The following SMIM31 variants were observed in gnomAD, a reference collection of about 807,000 sequenced individuals.
The protein encoded by SMIM31 is human epithelial cell program regulator.
At chr4:164,790,471 ATTT>A (rs1236266683) in intron 2 of SMIM31, among the ~76,000 whole-genome samples, 3 of 152,160 alleles carry the variant, frequency 2.0e-5, no homozygotes, top group Non-Finnish European at 2.9e-5. Flanking sequence ...TATAAATTCC[ATTT>A]TTTATTAGTC....
At chr4:164,767,901 T>G (rs946088851) in intron 1 of SMIM31, among the ~76,000 whole-genome samples, 1 of 152,116 alleles carries the variant, frequency 6.6e-6, no homozygotes, top group Admixed American at 6.5e-5. Context: ...TTTGCGTTTA[T>G]TTGTCTAGAA....
chr4:164,798,798 G>T (rs1008292347), intron 2 of SMIM31, among the ~76,000 whole-genome samples: 2 of 152,102 alleles, frequency 1.3e-5, no homozygotes, highest in Admixed American at 6.5e-5. Context: ...GGTGGGGCCC[G>T]GTTGGGGGTG....
intron 2 of SMIM31, among the ~76,000 whole-genome samples, chr4:164,774,000 A>G (rs1452940120): frequency 6.6e-6 from 1 of 152,014 alleles, no homozygotes; most frequent in East Asian, 1.9e-4. Context: ...CCCCGTCTCT[A>G]CTAAAAACAC....
At chr4:164,770,659 T>G (rs1459719491) in intron 2 of SMIM31, 104 bp downstream of exon 2, 1 of 396,646 alleles carries the variant, frequency 2.5e-6, no homozygotes, top group African/African-American at 2.1e-5. Flanking sequence ...CTATCCTGTG[T>G]GTGAGGATAA....
chr4:164,755,643 G>A (rs62352404), intron 1 of SMIM31, among the ~76,000 whole-genome samples: 16,464 of 142,178 alleles, frequency 0.12, 1,043 homozygotes, highest in African/African-American at 0.16. Context: ...CTGAGCTGAA[G>A]TATTATGGGA....
chr4:164,760,755 A>G lies in SMIM31; in HGVS notation c.-26+6344A>G, dbSNP rs1410611886. Among the ~76,000 whole-genome samples, 3 of 151,614 alleles carry G rather than the reference A, an allele frequency of 2.0e-5. No individual in the cohort carries two copies. In the South Asian group the frequency reaches 6.2e-4, roughly 31 times the overall value. On this transcript the variant is annotated intron_variant, in intron 1 of 2. Transcript: ENST00000507311. ...ACTCCACCTAAAAAAAAAAAAAAAAAAAAAAAGATAAAGCCAATAGGATTT... is the reference window on the plus strand; with the variant it reads ...ACTCCACCTAAAAAAAAAAAAAAAAGAAAAAAGATAAAGCCAATAGGATTT...
At chr4:164,767,653 AT>A (rs1732737012) in intron 1 of SMIM31, among the ~76,000 whole-genome samples, 2 of 152,226 alleles carry the variant, frequency 1.3e-5, no homozygotes, top group Admixed American at 1.3e-4. Flanking sequence ...CATCAGAAGC[AT>A]CATCTTTGCA....
chr4:164,763,201 C>T (rs1732675266), intron 1 of SMIM31, among the ~76,000 whole-genome samples: 1 of 152,130 alleles, frequency 6.6e-6, no homozygotes, highest in Non-Finnish European at 1.5e-5. Context: ...CTCAATAATT[C>T]AATTCATTAA....
At chr4:164,793,562 A>G (rs764017253) in intron 2 of SMIM31, among the ~76,000 whole-genome samples, 5 of 152,158 alleles carry the variant, frequency 3.3e-5, no homozygotes, top group Non-Finnish European at 7.4e-5. Flanking sequence ...TTATTCTGAG[A>G]CTGCTTCTCT....
chr4:164,780,236 G>A (rs946459656), intron 2 of SMIM31, among the ~76,000 whole-genome samples: 3 of 152,174 alleles, frequency 2.0e-5, no homozygotes, highest in Non-Finnish European at 4.4e-5. Flanking sequence ...GACCAGCCTG[G>A]CCAACATGGT....
intron 1 of SMIM31, among the ~76,000 whole-genome samples, chr4:164,766,712 C>T (rs1420096617): frequency 1.3e-5 from 2 of 151,548 alleles, no homozygotes; most frequent in South Asian, 2.1e-4. Context: ...GCAGGAGAAT[C>T]GCTTGAACCC....
chr4:164,762,568 T>A (rs1579060687), intron 1 of SMIM31, among the ~76,000 whole-genome samples: 1 of 142,072 alleles, frequency 7.0e-6, no homozygotes, highest in Non-Finnish European at 1.5e-5. Flanking sequence ...AATACTAAAA[T>A]ATATATATAT....
At chr4:164,779,539 ATT>A (rs11352211) in intron 2 of SMIM31, among the ~76,000 whole-genome samples, 2 of 151,886 alleles carry the variant, frequency 1.3e-5, no homozygotes, top group Non-Finnish European at 2.9e-5. Flanking sequence ...AAAGTCAGCA[ATT>A]TTTTTTTGCA....
chr4:164,754,551 A>ATTTTTTTTTTTT (rs57916805), intron 1 of SMIM31, 140 bp downstream of exon 1: 4 of 55,620 alleles, frequency 7.2e-5, no homozygotes, highest in Non-Finnish European at 9.1e-5. Context: ...TCCTGGAGGT[A>ATTTTTTTTTTTT]TTTTTTTTTT....
chr4:164,765,503 T>A (rs116597881), intron 1 of SMIM31, among the ~76,000 whole-genome samples: 1,964 of 151,804 alleles, frequency 0.013, 38 homozygotes, highest in African/African-American at 0.045. Context: ...AGAACCACCC[T>A]CCTACAGATA....
At chr4:164,772,110 G>T (rs1434428811) in intron 2 of SMIM31, among the ~76,000 whole-genome samples, 1 of 152,180 alleles carries the variant, frequency 6.6e-6, no homozygotes, top group African/African-American at 2.4e-5. Flanking sequence ...TTATAGTTCT[G>T]CAGGCTGTAT....
chr4:164,800,131 C>A (rs368986463), intron 2 of SMIM31, among the ~76,000 whole-genome samples: 12 of 152,274 alleles, frequency 7.9e-5, no homozygotes, highest in East Asian at 7.7e-4. Context: ...ACTTCTCTTG[C>A]CTAGGGAATG....
chr4:164,790,999 G>A (rs527690500), intron 2 of SMIM31, among the ~76,000 whole-genome samples: 2 of 152,284 alleles, frequency 1.3e-5, no homozygotes, highest in African/African-American at 4.8e-5. Context: ...GGCTAGCACT[G>A]AAGCTGAAAA....
chr4:164,788,706 G>A (rs996472195), intron 2 of SMIM31, among the ~76,000 whole-genome samples: 6 of 150,446 alleles, frequency 4.0e-5, no homozygotes, highest in African/African-American at 1.2e-4. Context: ...GGCTGGTATC[G>A]AACTCCTGAC....
Sources: allele counts gnomAD v4.1 joint callset (sites outside exome capture counted in the v4.1 genomes callset), GRCh38; gene constraint gnomAD v4.1.1; transcripts MANE v1.5; gene names NCBI Gene and HGNC (gene_info 2026-07-23, HGNC 2026-07-21).